Variants in FHIT observed in about 807,000 individuals in gnomAD.
FHIT encodes the protein fragile histidine triad diadenosine triphosphatase.
FHIT carries 19 observed loss-of-function variants against 17.9 expected under a neutral mutation model. The observed-to-expected ratio is 1.06, with a 90% CI of 0.74 to 1.56. FHIT has a LOEUF of 1.56. Among genes scored for constraint, FHIT ranks in the 40% most tolerant of loss-of-function variants. FHIT has a pLI of 0.00. For missense variants in FHIT, 248 were observed against 189.2 expected (o/e 1.31, Z -1.82); for synonymous variants, 81 against 69.7 (o/e 1.16, Z -0.81).
At chr3:61,209,543 T>C (rs2039381838) in intron 1 of FHIT, among the ~76,000 whole-genome samples, 1 of 152,044 alleles carries the variant, frequency 6.6e-6, no homozygotes, top group Admixed American at 6.6e-5. Flanking sequence ...TCTAAACTTC[T>C]CTTCTCGCTT....
At chr3:59,987,669 A>T (rs1709045429) in intron 7 of FHIT, among the ~76,000 whole-genome samples, 1 of 152,010 alleles carries the variant, frequency 6.6e-6, no homozygotes, top group Non-Finnish European at 1.5e-5. Context: ...AAAGCTTAAT[A>T]TGCACTTTTT....
intron 5 of FHIT, among the ~76,000 whole-genome samples, chr3:60,191,058 C>T (rs1490408971): frequency 1.3e-5 from 2 of 151,982 alleles, no homozygotes; most frequent in African/African-American, 4.8e-5. Context: ...TAAAGTCTTC[C>T]TGATACTTCC....
At chr3:60,790,269 C>T (rs1700729435) in intron 4 of FHIT, among the ~76,000 whole-genome samples, 1 of 152,102 alleles carries the variant, frequency 6.6e-6, no homozygotes, top group Non-Finnish European at 1.5e-5. Context: ...GCGGAATTTA[C>T]AAATCAGTGA....
chr3:61,042,906 G>A (rs1262803320), intron 2 of FHIT, among the ~76,000 whole-genome samples: 2 of 151,998 alleles, frequency 1.3e-5, no homozygotes, highest in Non-Finnish European at 2.9e-5. Flanking sequence ...ACTGGCCTAG[G>A]AAGGGAATAT....
intron 4 of FHIT, among the ~76,000 whole-genome samples, chr3:60,542,995 G>C (rs999479151): frequency 2.0e-5 from 3 of 152,094 alleles, no homozygotes; most frequent in Non-Finnish European, 4.4e-5. Flanking sequence ...CAATTCCTGG[G>C]AATGATTACA....
intron 8 of FHIT, among the ~76,000 whole-genome samples, chr3:59,880,288 G>C (rs553758732): frequency 6.6e-6 from 1 of 152,138 alleles, no homozygotes; most frequent in South Asian, 2.1e-4. Flanking sequence ...CTCTCTCAGG[G>C]ATCTCTCTCC....
intron 7 of FHIT, among the ~76,000 whole-genome samples, chr3:59,952,530 A>T (rs1707170966): frequency 6.6e-6 from 1 of 152,012 alleles, no homozygotes; most frequent in Non-Finnish European, 1.5e-5. Flanking sequence ...CCTTTCAATG[A>T]TCTCGGCTTG....
chr3:60,928,362 A>G (rs1358287199), intron 3 of FHIT, among the ~76,000 whole-genome samples: 1 of 109,848 alleles, frequency 9.1e-6, no homozygotes, highest in Non-Finnish European at 1.8e-5. Context: ...TGTATGAAAG[A>G]ACTTTAAAAA....
intron 8 of FHIT, among the ~76,000 whole-genome samples, chr3:59,892,489 G>A (rs185068744): frequency 1.6e-4 from 25 of 152,328 alleles, no homozygotes; most frequent in African/African-American, 6.0e-4. Flanking sequence ...TTTAACAACT[G>A]TAAATTTAAA....
At chr3:60,608,198 TTCTC>T (rs1176743444) in intron 4 of FHIT, among the ~76,000 whole-genome samples, 24 of 152,278 alleles carry the variant, frequency 1.6e-4, no homozygotes, top group African/African-American at 5.5e-4. Context: ...TTTCTCTCCT[TTCTC>T]TCTCTCTTTC....
At chr3:60,441,353 T>C (rs946796991) in intron 5 of FHIT, among the ~76,000 whole-genome samples, 1 of 152,082 alleles carries the variant, frequency 6.6e-6, no homozygotes, top group Non-Finnish European at 1.5e-5. Context: ...AAATATATTA[T>C]TCTTGGAAGT....
intron 8 of FHIT, among the ~76,000 whole-genome samples, chr3:59,809,086 T>C (rs1259936314): frequency 6.6e-6 from 1 of 152,172 alleles, no homozygotes; most frequent in Non-Finnish European, 1.5e-5. Context: ...ACTTGAAATG[T>C]TGTTTACATA....
At chr3:60,571,753 C>A (rs541012713) in intron 4 of FHIT, among the ~76,000 whole-genome samples, 11 of 152,148 alleles carry the variant, frequency 7.2e-5, no homozygotes, top group Non-Finnish European at 1.5e-4. Flanking sequence ...TAAGCACCCT[C>A]TCTGGAAAGA....
intron 5 of FHIT, among the ~76,000 whole-genome samples, chr3:60,407,999 A>G (rs1054899506): frequency 2.6e-5 from 4 of 152,228 alleles, no homozygotes; most frequent in African/African-American, 9.6e-5. Flanking sequence ...GTTGCATACT[A>G]AACGAAGGCT....
At chr3:59,956,465 C>T (rs569853516) in intron 7 of FHIT, among the ~76,000 whole-genome samples, 4 of 152,290 alleles carry the variant, frequency 2.6e-5, no homozygotes, top group East Asian at 3.9e-4. Context: ...GTCAAGAGAT[C>T]GAGACCATCC....
At chr3:60,512,878 T>A (rs2035003047) in intron 5 of FHIT, among the ~76,000 whole-genome samples, 1 of 152,204 alleles carries the variant, frequency 6.6e-6, no homozygotes, top group African/African-American at 2.4e-5. Flanking sequence ...TTAAAATATT[T>A]AATAACCAAA....
chr3:59,899,363 C>T (rs975404849), intron 8 of FHIT, among the ~76,000 whole-genome samples: 1 of 152,184 alleles, frequency 6.6e-6, no homozygotes, highest in Admixed American at 6.5e-5. Flanking sequence ...AAGGACTGAA[C>T]TCTCTTAAGG....
chr3:60,755,232 G>A (rs2042548680), intron 4 of FHIT, among the ~76,000 whole-genome samples: 4 of 152,190 alleles, frequency 2.6e-5, no homozygotes, highest in Admixed American at 2.6e-4. Flanking sequence ...TTAGTTGCAT[G>A]CTGCAGGCCA....
chr3:60,236,911 T>C (rs1031569773), intron 5 of FHIT, among the ~76,000 whole-genome samples: 2 of 152,196 alleles, frequency 1.3e-5, no homozygotes, highest in African/African-American at 2.4e-5. Context: ...AGGAGTCTCA[T>C]GCATATGTAG....
Sources: allele counts gnomAD v4.1 joint callset (sites outside exome capture counted in the v4.1 genomes callset), GRCh38; gene constraint gnomAD v4.1.1; transcripts MANE v1.5; gene names NCBI Gene and HGNC (gene_info 2026-07-23, HGNC 2026-07-21).